The following PECR variants were observed in gnomAD, a reference collection of about 807,000 sequenced individuals.
PECR encodes the protein peroxisomal trans-2-enoyl-CoA reductase.
PECR carries 30 observed loss-of-function variants against 35.3 expected under a neutral mutation model. The ratio of observed to expected loss-of-function variants is 0.85; its 90% CI spans 0.64 to 1.15. The LOEUF (loss-of-function observed/expected upper bound fraction) is 1.15, where lower values mean the gene tolerates loss of function less well. PECR is among the 50% of genes most tolerant of loss of function. The pLI is 0.00. For synonymous variants in PECR, 148 were observed against 138.9 expected (o/e 1.07, Z -0.46); for missense variants, 392 against 370.8 (o/e 1.06, Z -0.47).
chr2:216,060,379 C>T (rs1695312834), intron 3 of PECR, among the ~76,000 whole-genome samples: 1 of 152,122 alleles, frequency 6.6e-6, no homozygotes, highest in African/African-American at 2.4e-5. Flanking sequence ...AAATCATTCC[C>T]GGCTAGGAGT....
intron 3 of PECR, among the ~76,000 whole-genome samples, chr2:216,063,362 G>A (rs147357135): frequency 2.0e-5 from 3 of 152,344 alleles, no homozygotes; most frequent in East Asian, 3.9e-4. Flanking sequence ...GCTCATGCCT[G>A]TAATCCCAGC....
At chr2:216,076,152 T>TA (rs896011442) in intron 1 of PECR, among the ~76,000 whole-genome samples, 25 of 152,218 alleles carry the variant, frequency 1.6e-4, no homozygotes, top group Non-Finnish European at 3.5e-4. Flanking sequence ...CATTGTTATA[T>TA]AAACCCAAAT....
chr2:216,080,286 G>C (rs1362019908), intron 1 of PECR, among the ~76,000 whole-genome samples: 3 of 152,106 alleles, frequency 2.0e-5, no homozygotes, highest in Non-Finnish European at 4.4e-5. Context: ...ATGTTGGCCA[G>C]GCTGGTCTCA....
At position 216,039,375 on chromosome 2, in the gene PECR, G is replaced by C; in HGVS notation, c.827-15C>G. ...GTTGTCATGATCTGTTAAAGAAGTGGAAAGCCTCCTGTCACTTGCAAATCT... is the reference window on the plus strand; with the variant it reads ...GTTGTCATGATCTGTTAAAGAAGTGCAAAGCCTCCTGTCACTTGCAAATCT... On this transcript the variant is annotated splice_polypyrimidine_tract_variant and intron_variant, in intron 7 of 7. Transcript: ENST00000265322. The C allele has an allele frequency of 6.8e-7, 1 of 1,475,722 alleles. No individual in the cohort carries two copies. Among genetic ancestry groups the C allele is most frequent in the Non-Finnish European group, 9.5e-7 (1 of 1,053,580 alleles). 91.4% of individuals were successfully genotyped at this position (1,475,722 alleles called of 1,614,324 possible).
intron 6 of PECR, among the ~76,000 whole-genome samples, chr2:216,045,437 G>T (rs1258461764): frequency 6.6e-6 from 1 of 152,220 alleles, no homozygotes; most frequent in Admixed American, 6.5e-5. Flanking sequence ...TGGATGCTCC[G>T]AGGGATGAAG....
chr2:216,048,308 C>T (rs1695035558), intron 6 of PECR, among the ~76,000 whole-genome samples: 1 of 149,932 alleles, frequency 6.7e-6, no homozygotes, highest in Admixed American at 6.7e-5. Flanking sequence ...ATCTTCTGAA[C>T]TCGTGATCCG....
Position 216,066,383 on chromosome 2 carries a change from ACCT to A in PECR, c.257_258+1del, listed in dbSNP as rs1695466194. The A allele has an allele frequency of 6.2e-7, 1 of 1,611,606 alleles. No homozygotes were observed. Among genetic ancestry groups the A allele is most frequent in the Non-Finnish European group, 8.5e-7 (1 of 1,177,686 alleles). ...TAAATGATACAGATATATCTCCATT[ACCT>A]CCTCCTCATTCCGGATGTTGCATTG... On this transcript the variant is annotated splice_donor_variant and coding_sequence_variant, in exon 2 of 8. Coordinates refer to ENST00000265322, the MANE Select transcript of PECR (RefSeq NM_018441.6). LOFTEE classifies it high-confidence loss of function.
chr2:216,039,158 A>T lies in PECR; in HGVS notation c.*117T>A. ...TAGTTTTTCCATAGATATAATTAAT[A>T]ACACTTAAAAATAAGAAAAATGTTT... On this transcript the variant is annotated 3_prime_UTR_variant, in exon 8 of 8. Coordinates refer to ENST00000265322, the MANE Select transcript of PECR (RefSeq NM_018441.6). The T allele has an allele frequency of 2.9e-6, 2 of 701,302 alleles. No individual in the cohort carries two copies. Among genetic ancestry groups the T allele is most frequent in the South Asian group, 3.0e-5 (2 of 65,858 alleles). 43.4% of individuals were successfully genotyped at this position (701,302 alleles called of 1,614,324 possible). A position where few individuals can be genotyped will look rare whatever the true frequency, so the allele number is the denominator to read the frequency against.
chr2:216,079,590 A>G (rs1299333252), intron 1 of PECR, among the ~76,000 whole-genome samples: 3 of 151,484 alleles, frequency 2.0e-5, no homozygotes, highest in African/African-American at 4.8e-5. Context: ...GCTAGTCTCG[A>G]ACTCTTGACC....
chr2:216,043,469 A>AAT (rs1694934687), intron 7 of PECR, among the ~76,000 whole-genome samples: 2 of 152,096 alleles, frequency 1.3e-5, no homozygotes, highest in Admixed American at 6.6e-5. Context: ...GCCTTCATTC[A>AAT]ATATATATCT....
intron 1 of PECR, among the ~76,000 whole-genome samples, chr2:216,068,462 A>G (rs1695515301): frequency 6.6e-6 from 1 of 152,152 alleles, no homozygotes; most frequent in Admixed American, 6.6e-5. Context: ...TAACCCAGTG[A>G]AAATATCTCT....
chr2:216,077,436 G>A (rs1300426554), intron 1 of PECR, among the ~76,000 whole-genome samples: 1 of 152,060 alleles, frequency 6.6e-6, no homozygotes, highest in African/African-American at 2.4e-5. Context: ...GAACCCGGGA[G>A]GCGGAGCTTG....
rs549744417 is a variant in PECR, at chr2:216,030,725, C to CTT, written c.*440+8464_*440+8465dup. Among the ~76,000 whole-genome samples the CTT allele has an allele frequency of 5.7e-3, 825 of 145,052 alleles. 19 individuals carry two copies. The highest frequency in any genetic ancestry group is 0.012 in the African/African-American group (474 of 39,532). On this transcript the variant is annotated intron_variant and NMD_transcript_variant, in intron 7 of 7. Coordinates refer to the PECR transcript ENST00000442122. Reference sequence around the variant, plus strand: ...AACTGGCTAATTTTTGTATTTCTTTCTTTCTTTTTTTTTTTTTAGTAGAGA... The same window carrying CTT: ...AACTGGCTAATTTTTGTATTTCTTTCTTTTTCTTTTTTTTTTTTTAGTAGAGA...
chr2:216,065,238 T>G, intron 3 of PECR, 74 bp downstream of exon 3: 1 of 983,940 alleles, frequency 1.0e-6, no homozygotes, highest in Non-Finnish European at 1.7e-6. Flanking sequence ...GACATGGGGC[T>G]TCTGAGTCCC....
intron 1 of PECR, among the ~76,000 whole-genome samples, chr2:216,074,033 C>A (rs1197396851): frequency 1.3e-5 from 2 of 152,192 alleles, no homozygotes; most frequent in South Asian, 4.1e-4. Context: ...AATAAGCACC[C>A]CAGGACAAGC....
At chr2:216,034,441 G>T (rs927357685), downstream of PECR, among the ~76,000 whole-genome samples, 1 of 152,158 alleles carries the variant, frequency 6.6e-6, no homozygotes, top group Non-Finnish European at 1.5e-5. Flanking sequence ...GTTCCCATGG[G>T]TGACTTTGCC....
At chr2:216,051,632 G>T in intron 4 of PECR, 87 bp from the exon 5 acceptor site, 1 of 845,496 alleles carries the variant, frequency 1.2e-6, no homozygotes, top group Non-Finnish European at 2.1e-6. Flanking sequence ...CCAACTACCT[G>T]ACAGAATTCC....
In PECR at chr2:216,081,788, C is replaced by T. The variant is rs1695861074; in HGVS notation, c.-47G>A. 3.7e-6 allele frequency: 6 copies of T among 1,604,298 alleles called. No homozygotes were observed. Among genetic ancestry groups the T allele is most frequent in the Non-Finnish European group, 5.1e-6 (6 of 1,177,612 alleles). ...CAGCTGAGCGCAGGCCCTTCTGGGT[C>T]TCAGGGACATTCGAGGCGGGCGGGC... On this transcript the variant is annotated 5_prime_UTR_variant, in exon 1 of 8. Coordinates refer to ENST00000265322, the MANE Select transcript of PECR (RefSeq NM_018441.6).
At chr2:216,043,821 T>C (rs987623706) in intron 7 of PECR, 83 bp downstream of exon 7, 1 of 741,860 alleles carries the variant, frequency 1.3e-6, no homozygotes, top group African/African-American at 1.7e-5. Flanking sequence ...CCTCATCTCT[T>C]AAGTAACTAC....
Sources: gnomAD v4.1 joint callset for allele counts (sites outside exome capture counted in the v4.1 genomes callset) on GRCh38, gnomAD v4.1.1 for gene constraint, MANE v1.5 for transcripts, NCBI Gene and HGNC (gene_info 2026-07-23, HGNC 2026-07-21) for gene names.